INVS: variants seen among roughly 807,000 people sequenced by gnomAD.
INVS encodes inversin.
A neutral mutation model predicts 108.8 loss-of-function variants in INVS; 86 were observed. The ratio of observed to expected loss-of-function variants is 0.79; its 90% CI spans 0.66 to 0.95. The LOEUF (loss-of-function observed/expected upper bound fraction) is 0.95. Ranked by LOEUF, INVS falls within the 40% of genes least tolerant of loss-of-function variation. The pLI, the probability that INVS is intolerant of heterozygous loss-of-function variation, is 0.00. For missense variants in INVS, 1,169 were observed against 1,297.4 expected (o/e 0.90, Z 1.52); for synonymous variants, 455 against 473.5 (o/e 0.96, Z 0.51).
chr9:100,114,424 CAG>C (rs1827446337), intron 2 of INVS, among the ~76,000 whole-genome samples: 1 of 93,928 alleles, frequency 1.1e-5, no homozygotes, highest in East Asian at 3.5e-4. Flanking sequence ...TTTTTTGAGA[CAG>C]AGTCTCACTT....
intron 3 of INVS, among the ~76,000 whole-genome samples, chr9:100,155,377 C>A (rs900182749): frequency 6.6e-6 from 1 of 152,112 alleles, no homozygotes; most frequent in Non-Finnish European, 1.5e-5. Context: ...CGCTCTTTCA[C>A]CCAGGGTGGA....
chr9:100,164,459 A>C (rs1829295185), intron 3 of INVS, among the ~76,000 whole-genome samples: 1 of 152,134 alleles, frequency 6.6e-6, no homozygotes, highest in East Asian at 1.9e-4. Context: ...AGAACTTCAA[A>C]CATATTCAAA....
chr9:100,298,265 A>T, intron 16 of INVS: 3 of 1,360,158 alleles, frequency 2.2e-6, no homozygotes, highest in Non-Finnish European at 2.8e-6. Flanking sequence ...ACTTTTACAC[A>T]TTTTTTCACA....
In INVS at chr9:100,226,156, G is replaced by A. The variant is rs757534991; in HGVS notation, c.368G>A (p.Arg123Gln). The A allele has an allele frequency of 4.3e-5, 70 of 1,613,804 alleles. No individual in the cohort carries two copies. The highest frequency in any genetic ancestry group is 5.3e-5 in the Non-Finnish European group (63 of 1,179,968). Residue 123 changes from arginine to glutamine, a missense_variant, in exon 4 of 17, where the codon CGG (arginine) becomes CAG (glutamine). Arg to Gln is a conservative substitution (Grantham distance 43). Coordinates refer to ENST00000262457, the MANE Select transcript of INVS (RefSeq NM_014425.5). ...ATGACTCCTTTGCACTTGACCACCCGGCACAGGAGCCCTAAGTGTTTGGCA... is the reference window on the plus strand; with the variant it reads ...ATGACTCCTTTGCACTTGACCACCCAGCACAGGAGCCCTAAGTGTTTGGCA... ...EEMTPLHLTT[R>Q]HRSPKCLALL...
chr9:100,296,811 C>A, intron 14 of INVS, 106 bp from the exon 15 acceptor site: 2 of 884,870 alleles, frequency 2.3e-6, no homozygotes, highest in Non-Finnish European at 3.7e-6. Context: ...ATGAACCTAC[C>A]AGGAATTCAG....
At chr9:100,137,057 A>C (rs1828250988) in intron 3 of INVS, among the ~76,000 whole-genome samples, 1 of 152,178 alleles carries the variant, frequency 6.6e-6, no homozygotes, top group Admixed American at 6.5e-5. Flanking sequence ...AAGGACAGAC[A>C]GTTGGAAAGT....
intron 3 of INVS, among the ~76,000 whole-genome samples, chr9:100,185,687 A>G (rs1376866258): frequency 6.6e-6 from 1 of 151,624 alleles, no homozygotes; most frequent in Admixed American, 6.6e-5. Flanking sequence ...GTAGCTTTTT[A>G]TTCCTCTGCC....
chr9:100,203,566 G>A (rs1341138863), intron 3 of INVS, among the ~76,000 whole-genome samples: 1 of 139,056 alleles, frequency 7.2e-6, no homozygotes, highest in Non-Finnish European at 1.5e-5. Flanking sequence ...GCAGTGGCAT[G>A]ATCTAGGCTC....
In INVS at chr9:100,157,267, C is replaced by CTTTTTTTTT. The variant is rs770493291; in HGVS notation, c.273+30725_273+30733dup. On this transcript the variant is annotated intron_variant, in intron 3 of 16. Transcript: ENST00000262457. ...GAAATAGTAAAAATTTCTTTTTTTTCTTTTTTTTTTTTTTTGAGGCAGAGT... is the reference window on the plus strand; with the variant it reads ...GAAATAGTAAAAATTTCTTTTTTTTCTTTTTTTTTTTTTTTTTTTTTTTTGAGGCAGAGT... Among the ~76,000 whole-genome samples, 98 of 130,074 alleles carry CTTTTTTTTT rather than the reference C, an allele frequency of 7.5e-4. 5 individuals carry two copies. Among genetic ancestry groups the CTTTTTTTTT allele is most frequent in the African/African-American group, 2.7e-3 (81 of 30,490 alleles). 85.3% of individuals were successfully genotyped at this position (130,074 alleles called of 152,430 possible).
intron 1 of INVS, among the ~76,000 whole-genome samples, chr9:100,100,903 G>GTATATATAA (rs1826918824): frequency 8.3e-5 from 3 of 36,258 alleles, no homozygotes; most frequent in African/African-American, 3.6e-4. Flanking sequence ...TATTATATAT[G>GTATATATAA]TATATATATT....
chr9:100,222,808 T>C (rs1297673989), intron 3 of INVS, among the ~76,000 whole-genome samples: 1 of 151,348 alleles, frequency 6.6e-6, no homozygotes, highest in Non-Finnish European at 1.5e-5. Flanking sequence ...GATTTGTTTT[T>C]CCTGGGCAAA....
chr9:100,129,715 A>G lies in INVS; in HGVS notation c.273+3166A>G, dbSNP rs559422358. ...CAGCACAGGCAGGATCTAAGAGACT[A>G]CAATCATTCAAAGAAGAGAAACACG... is the stretch of plus-strand genomic sequence containing the variant. On this transcript the variant is annotated intron_variant, in intron 3 of 16. Transcript: ENST00000262457. The G allele has an allele frequency of 5.1e-5, 36 of 711,748 alleles. 1 individual carries two copies. Among genetic ancestry groups the G allele is most frequent in the Admixed American group, 2.8e-4 (14 of 49,130 alleles). 44.1% of individuals were successfully genotyped at this position (711,748 alleles called of 1,614,324 possible).
chr9:100,210,484 A>C (rs1280121059), intron 3 of INVS, among the ~76,000 whole-genome samples: 2 of 152,182 alleles, frequency 1.3e-5, no homozygotes, highest in African/African-American at 4.8e-5. Context: ...TCAAAGTGTT[A>C]GTAATCCTAA....
chr9:100,179,128 C>A (rs190854723), intron 3 of INVS, among the ~76,000 whole-genome samples: 56 of 152,206 alleles, frequency 3.7e-4, no homozygotes, highest in African/African-American at 1.2e-3. Context: ...TACAAGAGTT[C>A]CTGAAGGAGG....
chr9:100,226,381 T>C (rs1477644473), intron 4 of INVS, 146 bp downstream of exon 4: 2 of 672,238 alleles, frequency 3.0e-6, no homozygotes, highest in African/African-American at 1.8e-5. Flanking sequence ...CAGGGAAGTA[T>C]TTCACTTAAA....
chr9:100,141,554 G>T (rs1479762134), intron 3 of INVS, among the ~76,000 whole-genome samples: 1 of 152,198 alleles, frequency 6.6e-6, no homozygotes, highest in Non-Finnish European at 1.5e-5. Flanking sequence ...GACCGCGGTG[G>T]CCTTCTCAGA....
At chr9:100,249,333 T>C (rs976521291) in intron 8 of INVS, among the ~76,000 whole-genome samples, 2 of 152,146 alleles carry the variant, frequency 1.3e-5, no homozygotes, top group African/African-American at 4.8e-5. Flanking sequence ...CTTCTAATTC[T>C]GAAATGCTAC....
chr9:100,264,996 G>A, intron 11 of INVS, 68 bp downstream of exon 11: 1 of 1,030,050 alleles, frequency 9.7e-7, no homozygotes, highest in Non-Finnish European at 1.5e-6. Flanking sequence ...AGGTTGGGTT[G>A]CAGTGGCACG....
chr9:100,210,010 C>G (rs1258250234), intron 3 of INVS, among the ~76,000 whole-genome samples: 1 of 152,110 alleles, frequency 6.6e-6, no homozygotes, highest in African/African-American at 2.4e-5. Flanking sequence ...AGCTTCCTTC[C>G]TACTTTAAGC....
Sources: gnomAD v4.1 joint callset for allele counts (sites outside exome capture counted in the v4.1 genomes callset) on GRCh38, gnomAD v4.1.1 for gene constraint, MANE v1.5 for transcripts, NCBI Gene and HGNC (gene_info 2026-07-23, HGNC 2026-07-21) for gene names.